CYP19A1: variants seen among roughly 807,000 people sequenced by gnomAD.
CYP19A1 encodes aromatase.
In CYP19A1, 32 loss-of-function variants were observed where a neutral mutation model predicts 44.4. The observed-to-expected ratio is 0.72, with a 90% CI of 0.54 to 0.97. The LOEUF is 0.97. Ranked by LOEUF, CYP19A1 falls within the 50% of genes least tolerant of loss-of-function variation. The pLI, the probability that CYP19A1 is intolerant of heterozygous loss-of-function variation, is 0.00. For missense variants in CYP19A1, 598 were observed against 637.8 expected, an observed-to-expected ratio of 0.94 and a Z score of 0.67; for synonymous variants, 212 against 215.6, an observed-to-expected ratio of 0.98 and a Z score of 0.14.
At chr15:51,226,819 A>G (rs918938921) in intron 4 of CYP19A1, among the ~76,000 whole-genome samples, 30 of 152,144 alleles carry the variant, frequency 2.0e-4, no homozygotes, top group African/African-American at 7.0e-4. Context: ...GGAAGCTTGC[A>G]ACTGGGTCTC....
At chr15:51,252,632 T>C (rs2141145417) in intron 1 of CYP19A1, among the ~76,000 whole-genome samples, 1 of 152,326 alleles carries the variant, frequency 6.6e-6, no homozygotes, top group South Asian at 2.1e-4. Flanking sequence ...AGACTCACAC[T>C]GTGGCCCTGA....
intron 9 of CYP19A1, 55 bp downstream of exon 9, chr15:51,212,265 T>A (rs746118166): frequency 3.2e-6 from 4 of 1,253,704 alleles, no homozygotes; most frequent in Non-Finnish European, 4.7e-6. Context: ...CAGAGAGGAT[T>A]TAACAGTTGA....
chr15:51,231,607 AAG>A (rs1373418214), intron 3 of CYP19A1, among the ~76,000 whole-genome samples: 1 of 150,412 alleles, frequency 6.6e-6, no homozygotes, highest in Non-Finnish European at 1.5e-5. Flanking sequence ...CTGGGAAAAA[AAG>A]AAAAACCACA....
At chr15:51,236,836 T>A in intron 3 of CYP19A1, 23 bp downstream of exon 3, 1 of 1,613,918 alleles carries the variant, frequency 6.2e-7, no homozygotes, top group Non-Finnish European at 8.5e-7. Context: ...AAAAAGTATG[T>A]CTTCGATTAT....
intron 1 of CYP19A1, among the ~76,000 whole-genome samples, chr15:51,248,048 C>T (rs1281589181): frequency 6.6e-6 from 1 of 152,106 alleles, no homozygotes; most frequent in Non-Finnish European, 1.5e-5. Flanking sequence ...ATTACCCTAC[C>T]TCAAACTCTC....
intron 9 of CYP19A1, among the ~76,000 whole-genome samples, chr15:51,211,844 G>A (rs577215789): frequency 1.3e-5 from 2 of 152,304 alleles, no homozygotes; most frequent in East Asian, 3.9e-4. Context: ...TATTTAGAAT[G>A]GGACCTACTG....
intron 1 of CYP19A1, among the ~76,000 whole-genome samples, chr15:51,251,239 A>G (rs988468418): frequency 2.0e-5 from 3 of 152,124 alleles, no homozygotes; most frequent in Non-Finnish European, 4.4e-5. Flanking sequence ...CTCTGGTAGC[A>G]AAGACGGAAG....
chr15:51,281,346 C>G (rs1432701343), intron 1 of CYP19A1, among the ~76,000 whole-genome samples: 1 of 152,198 alleles, frequency 6.6e-6, no homozygotes, highest in Non-Finnish European at 1.5e-5. Flanking sequence ...GGGTCACTCT[C>G]TGGAGGTTCC....
intron 1 of CYP19A1, among the ~76,000 whole-genome samples, chr15:51,249,349 CT>C (rs2034209922): frequency 6.6e-6 from 1 of 152,176 alleles, no homozygotes; most frequent in Non-Finnish European, 1.5e-5. Context: ...CCATGTTTCC[CT>C]GCTCATCCAG....
chr15:51,220,380 G>A (rs1482915940), intron 5 of CYP19A1, among the ~76,000 whole-genome samples: 1 of 152,158 alleles, frequency 6.6e-6, no homozygotes, highest in Admixed American at 6.5e-5. Flanking sequence ...TCACTCACTG[G>A]AATGTAAGCC....
At chr15:51,241,014 A>AT (rs924719472) in intron 2 of CYP19A1, among the ~76,000 whole-genome samples, 4 of 152,104 alleles carry the variant, frequency 2.6e-5, no homozygotes, top group South Asian at 2.1e-4. Flanking sequence ...AGGAAGGGAG[A>AT]TTTTTTTAAA....
At chr15:51,273,183 T>A (rs1015828874) in intron 1 of CYP19A1, among the ~76,000 whole-genome samples, 1 of 152,100 alleles carries the variant, frequency 6.6e-6, no homozygotes, top group African/African-American at 2.4e-5. Context: ...ACTCTGGACC[T>A]CCTGATCCAC....
chr15:51,329,954 C>G (rs1240928046), intron 1 of CYP19A1, among the ~76,000 whole-genome samples: 9 of 152,154 alleles, frequency 5.9e-5, no homozygotes, highest in African/African-American at 2.2e-4. Context: ...GCAGCTAGCC[C>G]TCCCTGGGAT....
intron 1 of CYP19A1, among the ~76,000 whole-genome samples, chr15:51,247,878 G>C (rs1043256124): frequency 6.6e-6 from 1 of 151,914 alleles, no homozygotes; most frequent in Non-Finnish European, 1.5e-5. Flanking sequence ...ATAATGTCGT[G>C]TCCCTGTATC....
chr15:51,267,538 C>G (rs1164582915), intron 1 of CYP19A1, among the ~76,000 whole-genome samples: 2 of 152,158 alleles, frequency 1.3e-5, no homozygotes, highest in African/African-American at 4.8e-5. Flanking sequence ...GCGCCGCCCC[C>G]ACGTCCGTGG....
intron 1 of CYP19A1, among the ~76,000 whole-genome samples, chr15:51,336,725 C>A (rs1326417090): frequency 2.0e-5 from 3 of 152,156 alleles, no homozygotes; most frequent in Admixed American, 6.5e-5. Context: ...TTTTTAAGGA[C>A]CATTCTATTT....
intron 1 of CYP19A1, among the ~76,000 whole-genome samples, chr15:51,265,450 C>T (rs2034881767): frequency 6.6e-6 from 1 of 152,118 alleles, no homozygotes; most frequent in Non-Finnish European, 1.5e-5. Context: ...GGGATGGGGA[C>T]AGATAGAAAG....
intron 1 of CYP19A1, among the ~76,000 whole-genome samples, chr15:51,330,824 G>C (rs1252786817): frequency 6.6e-6 from 1 of 152,230 alleles, no homozygotes; most frequent in Non-Finnish European, 1.5e-5. Flanking sequence ...GAAGAGCTTT[G>C]AAAGTTGCAG....
intron 1 of CYP19A1, chr15:51,313,101 A>T (rs573385044): frequency 6.6e-6 from 1 of 152,320 alleles, no homozygotes; most frequent in Non-Finnish European, 1.5e-5. Flanking sequence ...TTTTTTGGGC[A>T]TATTGTCTCT....
Sources: gnomAD v4.1 joint callset for allele counts (sites outside exome capture counted in the v4.1 genomes callset) on GRCh38, gnomAD v4.1.1 for gene constraint, MANE v1.5 for transcripts, NCBI Gene and HGNC (gene_info 2026-07-23, HGNC 2026-07-21) for gene names.